Variants in SMARCC1 observed in about 807,000 individuals in gnomAD.
The protein encoded by SMARCC1 is SWI/SNF related BAF chromatin remodeling complex subunit C1, also known as SWI/SNF complex subunit SMARCC1.
Under a neutral mutation model 147.4 loss-of-function variants are expected in SMARCC1, and 43 were observed. The observed-to-expected ratio is 0.29, with a 90% CI of 0.23 to 0.38. The LOEUF is 0.38. Ranked by LOEUF, SMARCC1 falls within the 10% of genes least tolerant of loss-of-function variation. The pLI is 1.00. For synonymous variants in SMARCC1, 495 were observed against 484.4 expected (o/e 1.02, Z -0.29); for missense variants, 1,119 against 1,381.1 (o/e 0.81, Z 3.01).
chr3:47,753,823 CAATA>C (rs2034657434), intron 2 of SMARCC1, among the ~76,000 whole-genome samples: 1 of 151,276 alleles, frequency 6.6e-6, no homozygotes, highest in South Asian at 2.1e-4. Context: ...GTCTATCAGT[CAATA>C]AATGACTGTG....
At chr3:47,757,262 GAA>G (rs971148180) in intron 2 of SMARCC1, among the ~76,000 whole-genome samples, 1 of 151,288 alleles carries the variant, frequency 6.6e-6, no homozygotes, top group Non-Finnish European at 1.5e-5. Flanking sequence ...AAAAAGAAAA[GAA>G]AAAAAGAGAG....
intron 19 of SMARCC1, among the ~76,000 whole-genome samples, chr3:47,665,378 GTAGAAA>G (rs1270822274): frequency 6.6e-6 from 1 of 152,190 alleles, no homozygotes; most frequent in African/African-American, 2.4e-5. Flanking sequence ...GTCCACGGAA[GTAGAAA>G]TATATCTACT....
Position 47,671,868 on chromosome 3 carries a change from T to A in SMARCC1, c.1840-1151A>T, listed in dbSNP as rs1254630958. Among the ~76,000 whole-genome samples the A allele has an allele frequency of 6.6e-5, 10 of 152,356 alleles. No homozygotes were observed. The South Asian group carries it at 2.1e-3, about 32-fold the overall frequency. ...TTCCTGTATATGTCAATAAAGTTTC[T>A]CAGTTTAGATAATTAAAACTCTCAG... is the stretch of plus-strand genomic sequence containing the variant. On this transcript the variant is annotated intron_variant, in intron 18 of 27. Coordinates refer to ENST00000254480, the MANE Select transcript of SMARCC1 (RefSeq NM_003074.4).
intron 3 of SMARCC1, among the ~76,000 whole-genome samples, chr3:47,739,980 G>C (rs539809446): frequency 6.6e-6 from 1 of 151,916 alleles, no homozygotes; most frequent in Admixed American, 6.6e-5. Flanking sequence ...GGATTCAAGC[G>C]ATTCTCCTGC....
At position 47,667,850 on chromosome 3, in the gene SMARCC1, C is replaced by T. The variant is rs534175943; in HGVS notation, c.1899+2808G>A. Among the ~76,000 whole-genome samples, 4 of 152,208 alleles carry T rather than the reference C, an allele frequency of 2.6e-5. No individual in the cohort carries two copies. In the East Asian group the frequency reaches 7.7e-4, roughly 29 times the overall value. On this transcript the variant is annotated intron_variant, in intron 19 of 27. Transcript: ENST00000254480. ...TGAGATCATGTCACTGCACTCCAGCCTGGTGACAGAGTGAGATTCCTTCTC... is the reference window on the plus strand; with the variant it reads ...TGAGATCATGTCACTGCACTCCAGCTTGGTGACAGAGTGAGATTCCTTCTC...
rs752970152 is a variant in SMARCC1, at chr3:47,706,438, T to C, written c.1011A>G (p.Thr337=). Residue 337 remains threonine (T), a synonymous_variant, in exon 10 of 28, where the codon ACA becomes ACG. Coordinates refer to ENST00000254480, the MANE Select transcript of SMARCC1 (RefSeq NM_003074.4). ...TCTTCCCACTCTTCTTCCGTGATTCTGTTGGTGTCGGAGGGGGAGGCGAAG... is the reference window on the plus strand; with the variant it reads ...TCTTCCCACTCTTCTTCCGTGATTCCGTTGGTGTCGGAGGGGGAGGCGAAG... ...HSPSPPPPTP[T]ESRKKSGKKG... is the part of the protein sequence containing the mutation. 5 of 1,579,122 alleles carry C rather than the reference T, an allele frequency of 3.2e-6. No individual in the cohort carries two copies. The highest frequency in any genetic ancestry group is 4.8e-5 in the East Asian group (2 of 41,910).
chr3:47,673,369 G>C (rs1381908855), intron 18 of SMARCC1, among the ~76,000 whole-genome samples: 1 of 124,198 alleles, frequency 8.1e-6, no homozygotes, highest in Non-Finnish European at 1.6e-5. Context: ...TTGGGCGACA[G>C]AGCGAGACTC....
chr3:47,612,900 T>C (rs2032583550), intron 25 of SMARCC1, among the ~76,000 whole-genome samples: 1 of 152,212 alleles, frequency 6.6e-6, no homozygotes, highest in Non-Finnish European at 1.5e-5. Flanking sequence ...ATAAGGGCCA[T>C]CTCTGTTCTG....
At chr3:47,663,544 AAGGCCAGCCTGACAAAC>A in intron 19 of SMARCC1, 1 of 1,110,742 alleles carries the variant, frequency 9.0e-7, no homozygotes, top group South Asian at 1.5e-5. Context: ...CCAGGGGTTC[AAGGCCAGCCTGACAAAC>A]ACAGCAAGAC....
intron 14 of SMARCC1, among the ~76,000 whole-genome samples, chr3:47,684,498 T>C (rs925847634): frequency 6.6e-6 from 1 of 151,556 alleles, no homozygotes; most frequent in African/African-American, 2.4e-5. Context: ...TGGAGTACAA[T>C]GGCTTGATCT....
intron 4 of SMARCC1, 87 bp from the exon 5 acceptor site, chr3:47,736,213 TA>T: frequency 1.4e-6 from 1 of 691,706 alleles, no homozygotes; most frequent in Non-Finnish European, 2.4e-6. Context: ...CACCCCCAGA[TA>T]ACCTTTTCTG....
In SMARCC1 at chr3:47,672,498, G is replaced by A. The variant is rs889571157; in HGVS notation, c.1840-1781C>T. Among the ~76,000 whole-genome samples the A allele has an allele frequency of 1.2e-4, 18 of 152,104 alleles. No homozygotes were observed. In the East Asian group the frequency reaches 2.9e-3, roughly 24 times the overall value. On this transcript the variant is annotated intron_variant, in intron 18 of 27. Transcript: ENST00000254480. ...TGAGATTACAGGTGTGAGCCACCGC[G>A]TCCAGCCCCGCAAGGATTACTTTAA... is the stretch of plus-strand genomic sequence containing the variant.
At chr3:47,651,054 C>T (rs1237848663) in intron 21 of SMARCC1, among the ~76,000 whole-genome samples, 1 of 152,186 alleles carries the variant, frequency 6.6e-6, no homozygotes, top group Non-Finnish European at 1.5e-5. Context: ...TCTGCAATCC[C>T]AGCTCTTTGG....
intron 12 of SMARCC1, 45 bp from the exon 13 acceptor site, chr3:47,689,469 T>A (rs751184676): frequency 1.1e-5 from 17 of 1,532,586 alleles, no homozygotes; most frequent in Non-Finnish European, 1.4e-5. Context: ...CAGGTAAATG[T>A]TCTTTGGGTT....
intron 6 of SMARCC1, among the ~76,000 whole-genome samples, chr3:47,727,837 C>G (rs567684962): frequency 1.4e-3 from 211 of 152,112 alleles, no homozygotes; most frequent in African/African-American, 4.8e-3. Context: ...GTGATCCACC[C>G]GCCTTGGCCT....
rs1576424271 is a variant in SMARCC1 at position 47,729,187 on chromosome 3, A to G, written c.577-93T>C. 3 of 764,730 alleles carry G rather than the reference A, an allele frequency of 3.9e-6. No homozygotes were observed. In the East Asian group the frequency reaches 7.9e-5, roughly 20 times the overall value. The allele number at this position is 764,730 out of a possible 1,614,324, so 47.4% of individuals were successfully genotyped here. A position where few individuals can be genotyped will look rare whatever the true frequency, so the allele number is the denominator to read the frequency against. On this transcript the variant is annotated intron_variant, in intron 5 of 27. Transcript: ENST00000254480. ...CAAATTCCATACAAATTCTAAAAGC[A>G]TGGTTTTACTTATAGACTTTATATA...
Position 47,726,061 on chromosome 3 carries a change from C to CAAAAAAAAAAAAAAAAA in SMARCC1, c.646+2947_646+2963dup, listed in dbSNP as rs546659321. ...TGGGTAGAAGAGTGAGACTCTGTCT[C>CAAAAAAAAAAAAAAAAA]AAAAAAAAAAAAAAAAAAAAGGTGA... On this transcript the variant is annotated intron_variant, in intron 6 of 27. Transcript: ENST00000254480. 6.1e-3 allele frequency among the ~76,000 whole-genome samples: 310 copies of CAAAAAAAAAAAAAAAAA among 50,768 alleles called. 61 individuals carry two copies. The highest frequency in any genetic ancestry group is 8.2e-3 in the Non-Finnish European group (236 of 28,940). 33.3% of individuals were successfully genotyped at this position (50,768 alleles called of 152,430 possible).
intron 20 of SMARCC1, 52 bp from the exon 21 acceptor site, chr3:47,661,507 C>G (rs1334605003): frequency 1.3e-6 from 2 of 1,521,218 alleles, no homozygotes; most frequent in African/African-American, 2.8e-5. Context: ...CAAAAATTTG[C>G]TTCAGTGTAA....
chr3:47,677,470 T>C (rs2033588913), intron 16 of SMARCC1, among the ~76,000 whole-genome samples: 1 of 147,740 alleles, frequency 6.8e-6, no homozygotes, highest in South Asian at 2.3e-4. Context: ...CTGAATCCAC[T>C]CCATCCCTGG....
Sources: allele counts gnomAD v4.1 joint callset (sites outside exome capture counted in the v4.1 genomes callset), GRCh38; gene constraint gnomAD v4.1.1; transcripts MANE v1.5; gene names NCBI Gene and HGNC (gene_info 2026-07-23, HGNC 2026-07-21).